Variants in NELL1 observed in about 807,000 individuals in gnomAD.
NELL1 encodes the protein protein kinase C-binding protein NELL1.
Under a neutral mutation model 107.4 loss-of-function variants are expected in NELL1, and 76 were observed. That is an observed-to-expected ratio of 0.71 (90% CI 0.59 to 0.86). The LOEUF (loss-of-function observed/expected upper bound fraction) is 0.86. Among genes scored for constraint, NELL1 ranks in the 40% least tolerant of loss-of-function variants. The probability of loss-of-function intolerance (pLI) is 0.00; values close to 1 mark genes in which losing one functional copy is unlikely to be tolerated. For missense variants in NELL1, 1,024 were observed against 1,005.5 expected (o/e 1.02, Z -0.25); for synonymous variants, 353 against 341.2 (o/e 1.03, Z -0.38).
intron 14 of NELL1, among the ~76,000 whole-genome samples, chr11:21,308,414 C>G (rs1292248685): frequency 2.0e-5 from 3 of 151,978 alleles, no homozygotes; most frequent in Non-Finnish European, 4.4e-5. Context: ...GGGGACTCCT[C>G]TGGACTGTAA....
At chr11:21,323,403 C>T (rs1307867774) in intron 14 of NELL1, among the ~76,000 whole-genome samples, 8 of 152,196 alleles carry the variant, frequency 5.3e-5, no homozygotes, top group Admixed American at 2.0e-4. Flanking sequence ...GGTCATTTAG[C>T]CAAATCTACA....
intron 12 of NELL1, among the ~76,000 whole-genome samples, chr11:21,013,279 C>A (rs1852488940): frequency 6.6e-6 from 1 of 151,644 alleles, no homozygotes; most frequent in African/African-American, 2.4e-5. Context: ...CCCGCTGGGA[C>A]CTGCTGGCTT....
At chr11:20,745,087 T>C (rs1490836622) in intron 2 of NELL1, among the ~76,000 whole-genome samples, 1 of 152,212 alleles carries the variant, frequency 6.6e-6, no homozygotes, top group Admixed American at 6.5e-5. Flanking sequence ...CTTCATTTAC[T>C]TGTTTTGTTC....
chr11:21,574,861 T>G, intron 19 of NELL1, 111 bp from the exon 20 acceptor site: 2 of 849,430 alleles, frequency 2.4e-6, no homozygotes, highest in East Asian at 2.5e-5. Context: ...TTTTATAGCC[T>G]TCTTGAAGTT....
At chr11:21,013,353 AG>A (rs1433151984) in intron 12 of NELL1, among the ~76,000 whole-genome samples, 9 of 152,122 alleles carry the variant, frequency 5.9e-5, no homozygotes, top group African/African-American at 2.2e-4. Flanking sequence ...TATAGGAAAT[AG>A]TGCTCCAGGA....
At chr11:21,026,317 C>A (rs1852813209) in intron 12 of NELL1, among the ~76,000 whole-genome samples, 1 of 152,162 alleles carries the variant, frequency 6.6e-6, no homozygotes, top group African/African-American at 2.4e-5. Context: ...AGCCTCCATG[C>A]TGGCCTCTGT....
intron 13 of NELL1, among the ~76,000 whole-genome samples, chr11:21,195,926 G>A (rs908660689): frequency 6.6e-6 from 1 of 152,188 alleles, no homozygotes; most frequent in Non-Finnish European, 1.5e-5. Context: ...CTATTTTTCA[G>A]CATGAAGTGT....
chr11:21,276,225 G>A (rs1037746443), intron 14 of NELL1, among the ~76,000 whole-genome samples: 11 of 152,110 alleles, frequency 7.2e-5, no homozygotes, highest in African/African-American at 2.2e-4. Flanking sequence ...AAATCAATGT[G>A]CAAAAATCAC....
chr11:21,064,500 G>C (rs559009702), intron 12 of NELL1, among the ~76,000 whole-genome samples: 2 of 152,278 alleles, frequency 1.3e-5, no homozygotes, highest in South Asian at 4.1e-4. Flanking sequence ...CTGAGGGGTT[G>C]AGTAGTCCAA....
intron 15 of NELL1, among the ~76,000 whole-genome samples, chr11:21,476,930 C>A (rs1005967867): frequency 6.6e-6 from 1 of 152,124 alleles, no homozygotes; most frequent in African/African-American, 2.4e-5. Flanking sequence ...AGAGGGGAAA[C>A]GTCCATCCCA....
At chr11:20,788,050 T>A (rs1251376583) in intron 3 of NELL1, among the ~76,000 whole-genome samples, 2 of 152,244 alleles carry the variant, frequency 1.3e-5, no homozygotes, top group African/African-American at 4.8e-5. Context: ...TCACTTCTTT[T>A]TATTGCAGAA....
intron 19 of NELL1, among the ~76,000 whole-genome samples, chr11:21,573,810 A>ATTG (rs1857159339): frequency 6.6e-6 from 1 of 151,622 alleles, no homozygotes; most frequent in Non-Finnish European, 1.5e-5. Context: ...GAAGGAAACC[A>ATTG]GTCAACTTCC....
chr11:21,001,466 T>C (rs758050471), intron 12 of NELL1, among the ~76,000 whole-genome samples: 3 of 151,434 alleles, frequency 2.0e-5, no homozygotes, highest in African/African-American at 7.3e-5. Context: ...GAGTGACAGC[T>C]GATGGAAGCA....
chr11:21,279,957 C>A (rs1019218882), intron 14 of NELL1, among the ~76,000 whole-genome samples: 1 of 152,094 alleles, frequency 6.6e-6, no homozygotes, highest in Non-Finnish European at 1.5e-5. Context: ...TGACAGAAGC[C>A]GATCTGCAAA....
In NELL1 at chr11:21,204,897, A is replaced by G. The variant is rs193186182; in HGVS notation, c.1427-24435A>G. Among the ~76,000 whole-genome samples, 97 of 152,218 alleles carry G rather than the reference A, an allele frequency of 6.4e-4. 1 individual carries two copies. The East Asian group carries it at 0.015, about 24-fold the overall frequency. On this transcript the variant is annotated intron_variant, in intron 13 of 19. Coordinates refer to ENST00000357134, the MANE Select transcript of NELL1 (RefSeq NM_006157.5). ...CTGCAGGTTTGCTAGAGTTTGCTGG[A>G]GGTCCACTCCAGACCCTGTTTGCCT... is the stretch of plus-strand genomic sequence containing the variant.
At chr11:20,944,785 A>G (rs2134195297) in intron 10 of NELL1, among the ~76,000 whole-genome samples, 1 of 152,316 alleles carries the variant, frequency 6.6e-6, no homozygotes, top group South Asian at 2.1e-4. Flanking sequence ...ATTCATGCAA[A>G]AAGGTTTGTC....
intron 12 of NELL1, among the ~76,000 whole-genome samples, chr11:21,051,066 CA>C (rs758714461): frequency 6.6e-6 from 1 of 152,036 alleles, no homozygotes; most frequent in Non-Finnish European, 1.5e-5. Flanking sequence ...AGTACTTATA[CA>C]AAAAAGATAC....
intron 2 of NELL1, among the ~76,000 whole-genome samples, chr11:20,753,822 G>A (rs1441008247): frequency 6.6e-6 from 1 of 152,192 alleles, no homozygotes; most frequent in Non-Finnish European, 1.5e-5. Context: ...TAGGAGCAAA[G>A]TGGTCCCTAG....
intron 5 of NELL1, among the ~76,000 whole-genome samples, chr11:20,900,789 AC>A (rs1358080309): frequency 6.6e-6 from 1 of 152,114 alleles, no homozygotes; most frequent in African/African-American, 2.4e-5. Context: ...GTGAGAGAGA[AC>A]AAGTTGATTA....
Sources: allele counts gnomAD v4.1 joint callset (sites outside exome capture counted in the v4.1 genomes callset), GRCh38; gene constraint gnomAD v4.1.1; transcripts MANE v1.5; gene names NCBI Gene and HGNC (gene_info 2026-07-23, HGNC 2026-07-21).